The following VPS33B variants were observed in gnomAD, a reference collection of about 807,000 sequenced individuals.
VPS33B encodes the protein vacuolar protein sorting-associated protein 33B.
VPS33B carries 80 observed loss-of-function variants against 95.3 expected under a neutral mutation model. That is an observed-to-expected ratio of 0.84 (90% CI 0.70 to 1.01). The LOEUF (loss-of-function observed/expected upper bound fraction) is 1.01. VPS33B is among the 50% of genes least tolerant of loss of function. The probability of loss-of-function intolerance (pLI) is 0.00; values close to 1 mark genes in which losing one functional copy is unlikely to be tolerated. For missense variants in VPS33B, 715 were observed against 773.4 expected (o/e 0.92, Z 0.90); for synonymous variants, 280 against 280.4 (o/e 1.00, Z 0.01).
At chr15:91,004,850 T>G in intron 16 of VPS33B, 27 bp downstream of exon 16, 2 of 1,613,920 alleles carry the variant, frequency 1.2e-6, no homozygotes, top group Non-Finnish European at 1.7e-6. Flanking sequence ...CAATCTGACA[T>G]TCTCATCTTC....
At position 91,011,612 on chromosome 15, in the gene VPS33B, T is replaced by A. The variant is rs535403677; in HGVS notation, c.358-1766A>T. On this transcript the variant is annotated intron_variant, in intron 5 of 22. Coordinates refer to ENST00000333371, the MANE Select transcript of VPS33B (RefSeq NM_018668.5). This position sits in a 1 kb window ranked among gnomAD's most constrained non-coding sequence, Gnocchi z 5.5. ...TAAGGTGTTAAGTGGAGAACACTCA[T>A]AAAAATAACTATTTTGTTTTTCTGT... 1.2e-4 allele frequency among the ~76,000 whole-genome samples: 19 copies of A among 152,348 alleles called. No homozygotes were observed. The highest frequency in any genetic ancestry group is 9.1e-4 in the Admixed American group (14 of 15,302).
At chr15:91,017,675 C>G in intron 2 of VPS33B, 130 bp downstream of exon 2, 2 of 862,866 alleles carry the variant, frequency 2.3e-6, no homozygotes, top group Non-Finnish European at 3.7e-6. Flanking sequence ...GCATCAATCT[C>G]CCTTTTCTAC....
chr15:91,006,066 G>A lies in VPS33B; in HGVS notation c.853-7C>T, dbSNP rs372854758. 2.5e-6 allele frequency: 4 copies of A among 1,614,098 alleles called. No homozygotes were observed. Among genetic ancestry groups the A allele is most frequent in the African/African-American group, 2.7e-5 (2 of 75,058 alleles). On this transcript the variant is annotated splice_region_variant and splice_polypyrimidine_tract_variant and intron_variant, in intron 11 of 22. Coordinates refer to ENST00000333371, the MANE Select transcript of VPS33B (RefSeq NM_018668.5). This position sits in a 1 kb window ranked among gnomAD's most constrained non-coding sequence, Gnocchi z 5.4. ...TCCGAATCTCATTAAACACCTGTGA[G>A]GACAGTAAGACAAGAACAGCTTACT...
chr15:91,017,349 T>A (rs1596370277), intron 2 of VPS33B, among the ~76,000 whole-genome samples: 1 of 75,056 alleles, frequency 1.3e-5, no homozygotes, highest in Non-Finnish European at 2.3e-5. Flanking sequence ...ATAACAAGAC[T>A]CCATCTCTAC....
chr15:91,014,567 C>G, intron 3 of VPS33B, 134 bp from the exon 4 acceptor site: 1 of 975,278 alleles, frequency 1.0e-6, no homozygotes, highest in Admixed American at 1.8e-5. Context: ...CTATGCTATT[C>G]TCTTGGTCCA....
Position 91,000,817 on chromosome 15 carries a change from G to T in VPS33B, c.1480-226C>A. On this transcript the variant is annotated intron_variant, in intron 19 of 22. Transcript: ENST00000333371. This position sits in a 1 kb window ranked among gnomAD's most constrained non-coding sequence, Gnocchi z 4.9. ...TGCGCCATTATTGAATAATGTAAAG[G>T]GGCTGGAGGGATGGCTTCTCCTTTC... 4.0e-6 allele frequency: 2 copies of T among 503,334 alleles called. No homozygotes were observed. Among genetic ancestry groups the T allele is most frequent in the Non-Finnish European group, 3.6e-6 (1 of 274,426 alleles). 31.2% of individuals were successfully genotyped at this position (503,334 alleles called of 1,614,324 possible).
Position 91,005,658 on chromosome 15 carries a change from G to C in VPS33B, c.1030+36C>G. ...CTGGAGCTTTCCCCAGAGGGACACA[G>C]TCACTTCCCCTCACGCCCCTCAAGC... On this transcript the variant is annotated intron_variant, in intron 13 of 22. Coordinates refer to ENST00000333371, the MANE Select transcript of VPS33B (RefSeq NM_018668.5). The surrounding 1 kb of genome is among the most constrained non-coding windows in gnomAD (Gnocchi z 6.4). The C allele has an allele frequency of 2.5e-6, 4 of 1,612,334 alleles. No individual in the cohort carries two copies. The highest frequency in any genetic ancestry group is 3.4e-6 in the Non-Finnish European group (4 of 1,178,382).
At chr15:91,019,430 GTTTA>G (rs151187551) in intron 1 of VPS33B, among the ~76,000 whole-genome samples, 1,556 of 152,062 alleles carry the variant, frequency 0.01, 24 homozygotes, top group African/African-American at 0.035. Flanking sequence ...CTTTTTAAAT[GTTTA>G]TTTATTTTTT....
Position 91,014,286 on chromosome 15 carries a change from C to T in VPS33B, c.289+98G>A, listed in dbSNP as rs990099408. The stretch of plus-strand genomic sequence containing the variant: ...TCCTCCACAAGTGCTACGGCCAACT[C>T]AAACAATTATTTTCTTATTAGAGGG... On this transcript the variant is annotated intron_variant, in intron 4 of 22. Transcript: ENST00000333371. The T allele has an allele frequency of 1.6e-5, 19 of 1,160,310 alleles. No individual in the cohort carries two copies. In the African/African-American group the frequency reaches 2.9e-4, roughly 18 times the overall value. 71.9% of individuals were successfully genotyped at this position (1,160,310 alleles called of 1,614,324 possible).
downstream of VPS33B, chr15:90,998,559 C>A: frequency 3.3e-6 from 1 of 307,250 alleles, no homozygotes; most frequent in Non-Finnish European, 6.4e-6. This position sits in a 1 kb window ranked among gnomAD's most constrained non-coding sequence, Gnocchi z 4.8. Context: ...AGAACCAGAC[C>A]AGGCCTGGAG....
intron 2 of VPS33B, among the ~76,000 whole-genome samples, chr15:91,017,370 ATATATATATATATATATATAT>A (rs2151683688): frequency 0.013 from 339 of 26,958 alleles, 91 homozygotes; most frequent in African/African-American, 0.035. Context: ...AAAATTAAAT[ATATATATATATATATATATAT>A]ATATATATAT....
chr15:90,999,949 GC>G lies in VPS33B; in HGVS notation c.1607del (p.Gly536AlafsTer19). On this transcript the variant is annotated frameshift_variant, in exon 21 of 23. Transcript: ENST00000333371. LOFTEE classifies it high-confidence loss of function. This position sits in a 1 kb window ranked among gnomAD's most constrained non-coding sequence, Gnocchi z 5.1. ...TGAGCAGCCGTACCACCTCATCAAG[GC>G]CCTGCCAGCTTCGCCGCTCTAGCAC... ...EQVLERRSWQGLDEVVRLLNC... is the reference protein window; with the variant it reads ...EQVLERRSWQXLDEVVRLLNC... The G allele has an allele frequency of 6.2e-7, 1 of 1,614,202 alleles. No homozygotes were observed. Among genetic ancestry groups the G allele is most frequent in the Non-Finnish European group, 8.5e-7 (1 of 1,180,028 alleles).
chr15:91,005,556 AC>A lies in VPS33B; in HGVS notation c.1031-103del. The stretch of plus-strand genomic sequence containing the variant: ...ACCTCCTAAGGCAAAATCCGAAAGC[AC>A]TTCTTCCCACTTTACACCAAGTAAG... On this transcript the variant is annotated intron_variant, in intron 13 of 22. Transcript: ENST00000333371. The surrounding 1 kb of genome is among the most constrained non-coding windows in gnomAD (Gnocchi z 6.4). The A allele has an allele frequency of 6.3e-7, 1 of 1,584,022 alleles. No individual in the cohort carries two copies. Among genetic ancestry groups the A allele is most frequent in the East Asian group, 2.2e-5 (1 of 44,722 alleles).
In VPS33B at chr15:90,998,850, G is replaced by C; in HGVS notation, c.*125C>G. 1.0e-6 allele frequency: 1 copy of C among 968,688 alleles called. No individual in the cohort carries two copies. The highest frequency in any genetic ancestry group is 1.6e-6 in the Non-Finnish European group (1 of 613,044). The allele number at this position is 968,688 out of a possible 1,614,324, so 60.0% of individuals were successfully genotyped here. On this transcript the variant is annotated 3_prime_UTR_variant, in exon 23 of 23. Transcript: ENST00000333371. This position sits in a 1 kb window ranked among gnomAD's most constrained non-coding sequence, Gnocchi z 4.8. ...GATAATGTTCTCTAAATCCCAACACGTTCCATGCTCCCGGCTCTTAGCAGG... is the reference window on the plus strand; with the variant it reads ...GATAATGTTCTCTAAATCCCAACACCTTCCATGCTCCCGGCTCTTAGCAGG...
chr15:91,005,810 C>T lies in VPS33B; in HGVS notation c.940-26G>A, dbSNP rs1251389296. The T allele has an allele frequency of 6.2e-7, 1 of 1,613,514 alleles. No individual in the cohort carries two copies. Among genetic ancestry groups the T allele is most frequent in the Admixed American group, 1.7e-5 (1 of 59,996 alleles). ...CTGTGGGAAAATTCCCAAAGGTGAA[C>T]CCCCCAACCTCAGACACGAGAAACC... is the stretch of plus-strand genomic sequence containing the variant. On this transcript the variant is annotated intron_variant, in intron 12 of 22. Coordinates refer to ENST00000333371, the MANE Select transcript of VPS33B (RefSeq NM_018668.5). This position sits in a 1 kb window ranked among gnomAD's most constrained non-coding sequence, Gnocchi z 6.4.
At position 91,007,334 on chromosome 15, in the gene VPS33B, G is replaced by A. The variant is rs188981135; in HGVS notation, c.603+135C>T. ...GTTAGCCACACAAGTTCTCCTCTCT[G>A]AGGATCTATTCCAGAACAATGAAAG... On this transcript the variant is annotated intron_variant, in intron 8 of 22. Transcript: ENST00000333371. The surrounding 1 kb of genome is among the most constrained non-coding windows in gnomAD (Gnocchi z 5.3). 1.1e-6 allele frequency: 1 copy of A among 931,026 alleles called. No individual in the cohort carries two copies. 57.7% of individuals were successfully genotyped at this position (931,026 alleles called of 1,614,324 possible).
Position 91,011,882 on chromosome 15 carries a change from G to A in VPS33B, c.357+1922C>T, listed in dbSNP as rs1314058347. Reference sequence around the variant, plus strand: ...TGCACATCTGTAGTCCCAGCTACTCGGGAAGCTGAGGCAGGAGAATTGCTT... The same window carrying A: ...TGCACATCTGTAGTCCCAGCTACTCAGGAAGCTGAGGCAGGAGAATTGCTT... On this transcript the variant is annotated intron_variant, in intron 5 of 22. Coordinates refer to ENST00000333371, the MANE Select transcript of VPS33B (RefSeq NM_018668.5). This position sits in a 1 kb window ranked among gnomAD's most constrained non-coding sequence, Gnocchi z 5.5. 8.5e-5 allele frequency among the ~76,000 whole-genome samples: 13 copies of A among 152,152 alleles called. No individual in the cohort carries two copies. The highest frequency in any genetic ancestry group is 4.1e-4 in the South Asian group (2 of 4,822).
At chr15:91,014,949 C>G (rs1159685123) in intron 3 of VPS33B, among the ~76,000 whole-genome samples, 1 of 152,048 alleles carries the variant, frequency 6.6e-6, no homozygotes, top group Non-Finnish European at 1.5e-5. Flanking sequence ...TGCTGTAATC[C>G]CAGCACTTTG....
In VPS33B at chr15:91,007,460, T is replaced by C; in HGVS notation, c.603+9A>G. ...TCTGCTGGGACAACAGTACTGCTAG[T>C]GCTCTTACCTTGGCGCACCTGCCAA... On this transcript the variant is annotated intron_variant, in intron 8 of 22. Transcript: ENST00000333371. This position sits in a 1 kb window ranked among gnomAD's most constrained non-coding sequence, Gnocchi z 5.3. The C allele has an allele frequency of 6.2e-7, 1 of 1,613,556 alleles. No homozygotes were observed. Among genetic ancestry groups the C allele is most frequent in the South Asian group, 1.1e-5 (1 of 91,080 alleles).
Sources: gnomAD v4.1 joint callset for allele counts (sites outside exome capture counted in the v4.1 genomes callset) on GRCh38, gnomAD v4.1.1 for gene constraint, Gnocchi (gnomAD v3.1) non-coding constraint, MANE v1.5 for transcripts, NCBI Gene and HGNC (gene_info 2026-07-23, HGNC 2026-07-21) for gene names.